Variants in STXBP5L observed in about 807,000 individuals in gnomAD.
The protein encoded by STXBP5L is syntaxin-binding protein 5-like.
STXBP5L carries 65 observed loss-of-function variants against 144.5 expected under a neutral mutation model. That is an observed-to-expected ratio of 0.45 (90% CI 0.37 to 0.55). STXBP5L has a LOEUF of 0.55. Among genes scored for constraint, STXBP5L ranks in the 20% least tolerant of loss-of-function variants. The probability of loss-of-function intolerance (pLI) is 0.00; values close to 1 mark genes in which losing one functional copy is unlikely to be tolerated. For synonymous variants in STXBP5L, 505 were observed against 469.6 expected (o/e 1.08, Z -0.97); for missense variants, 1,298 against 1,405.5 (o/e 0.92, Z 1.22).
At chr3:121,168,851 A>T (rs928283198) in intron 9 of STXBP5L, among the ~76,000 whole-genome samples, 1 of 152,140 alleles carries the variant, frequency 6.6e-6, no homozygotes, top group Admixed American at 6.5e-5. Context: ...CACCACAAAG[A>T]TACTCCTCGA....
intron 20 of STXBP5L, among the ~76,000 whole-genome samples, chr3:121,369,305 G>A (rs182069622): frequency 4.9e-4 from 74 of 150,330 alleles, no homozygotes; most frequent in African/African-American, 1.8e-3. Flanking sequence ...GAGTGTTCTG[G>A]TGCTTCCTAT....
intron 5 of STXBP5L, among the ~76,000 whole-genome samples, chr3:121,111,378 T>C (rs750912910): frequency 9.9e-5 from 15 of 152,244 alleles, no homozygotes; most frequent in Non-Finnish European, 2.2e-4. Flanking sequence ...TGAGTTTATC[T>C]AGCTTTGGTC....
At chr3:120,953,413 C>A (rs1384281684) in intron 2 of STXBP5L, among the ~76,000 whole-genome samples, 1 of 144,480 alleles carries the variant, frequency 6.9e-6, no homozygotes, top group Non-Finnish European at 1.5e-5. Flanking sequence ...ACTGCAGCTT[C>A]AACCTCCTGG....
Position 121,075,620 on chromosome 3 carries a change from G to A in STXBP5L, c.470+30085G>A, listed in dbSNP as rs532754705. Among the ~76,000 whole-genome samples, 127 of 152,320 alleles carry A rather than the reference G, an allele frequency of 8.3e-4. 2 individuals are homozygous for A. The South Asian group carries it at 0.023, about 28-fold the overall frequency. On this transcript the variant is annotated intron_variant, in intron 5 of 26. Transcript: ENST00000471454. The stretch of plus-strand genomic sequence containing the variant: ...ACCTGCAGCCTCTGTGTCAAATGGC[G>A]TGTAAAGCCAGTAAGACTTGCAGAG...
At chr3:121,225,899 G>T (rs1267470137) in intron 11 of STXBP5L, among the ~76,000 whole-genome samples, 1 of 152,186 alleles carries the variant, frequency 6.6e-6, no homozygotes, top group African/African-American at 2.4e-5. Flanking sequence ...TTCTCAGGTT[G>T]GTATAAATTT....
intron 5 of STXBP5L, among the ~76,000 whole-genome samples, chr3:121,051,882 G>T (rs1422689286): frequency 6.6e-6 from 1 of 151,962 alleles, no homozygotes; most frequent in South Asian, 2.1e-4. Context: ...TCAAATAGAT[G>T]CAATAAAAAA....
intron 18 of STXBP5L, among the ~76,000 whole-genome samples, chr3:121,273,128 T>C (rs1258350221): frequency 6.6e-6 from 1 of 152,254 alleles, no homozygotes; most frequent in African/African-American, 2.4e-5. Flanking sequence ...TATGATTTCA[T>C]GTTACTAATT....
At chr3:121,408,094 G>T (rs1292704445) in intron 23 of STXBP5L, among the ~76,000 whole-genome samples, 1 of 151,914 alleles carries the variant, frequency 6.6e-6, no homozygotes, top group Non-Finnish European at 1.5e-5. Flanking sequence ...CATTTTACAT[G>T]TGTTAATAAA....
chr3:121,279,797 T>C lies in STXBP5L; in HGVS notation c.1959-8T>C. 1.2e-6 allele frequency: 2 copies of C among 1,610,504 alleles called. No homozygotes were observed. Among genetic ancestry groups the C allele is most frequent in the Non-Finnish European group, 1.7e-6 (2 of 1,178,114 alleles). ...ATACATTCTAGTTGTATTTTTTTTC[T>C]CTCTTAGAGTTGCATTTGGGAACTG... On this transcript the variant is annotated splice_polypyrimidine_tract_variant and splice_region_variant and intron_variant, in intron 18 of 26. Coordinates refer to ENST00000471454, the MANE Select transcript of STXBP5L (RefSeq NM_001308330.2).
intron 2 of STXBP5L, among the ~76,000 whole-genome samples, chr3:120,952,245 C>G (rs1711303389): frequency 1.3e-5 from 2 of 151,958 alleles, no homozygotes; most frequent in African/African-American, 2.4e-5. Flanking sequence ...GGGATTTTGA[C>G]AGAGATTGCA....
intron 5 of STXBP5L, among the ~76,000 whole-genome samples, chr3:121,054,989 T>G (rs1948346479): frequency 6.6e-6 from 1 of 152,228 alleles, no homozygotes; most frequent in African/African-American, 2.4e-5. Context: ...GAAGAATTGA[T>G]TAGTGGTGAT....
intron 4 of STXBP5L, among the ~76,000 whole-genome samples, chr3:121,044,022 G>A (rs1429713845): frequency 1.3e-5 from 2 of 152,008 alleles, no homozygotes; most frequent in Non-Finnish European, 2.9e-5. Context: ...TTGTTTATAG[G>A]AAGCATAAGT....
intron 9 of STXBP5L, among the ~76,000 whole-genome samples, chr3:121,199,242 A>C (rs1214312281): frequency 6.6e-6 from 1 of 152,132 alleles, no homozygotes; most frequent in Non-Finnish European, 1.5e-5. Flanking sequence ...TCTTTGTAGC[A>C]ATTATGAATA....
At chr3:121,066,130 A>G (rs542765366) in intron 5 of STXBP5L, among the ~76,000 whole-genome samples, 13 of 152,312 alleles carry the variant, frequency 8.5e-5, no homozygotes, top group Admixed American at 7.2e-4. Context: ...CTCAAGGGCA[A>G]GAATACTATG....
intron 22 of STXBP5L, among the ~76,000 whole-genome samples, chr3:121,383,647 A>C (rs1234848647): frequency 2.0e-5 from 3 of 152,146 alleles, no homozygotes; most frequent in Non-Finnish European, 4.4e-5. Flanking sequence ...AAGAAAGTCT[A>C]CTTGGGAGCC....
chr3:121,047,535 C>G (rs1380993262), intron 5 of STXBP5L, among the ~76,000 whole-genome samples: 1 of 152,092 alleles, frequency 6.6e-6, no homozygotes, highest in Non-Finnish European at 1.5e-5. Context: ...TCCGGGTACT[C>G]CTGTGTTGGG....
At chr3:121,095,273 C>G (rs1012971031) in intron 5 of STXBP5L, among the ~76,000 whole-genome samples, 3 of 152,104 alleles carry the variant, frequency 2.0e-5, no homozygotes, top group Admixed American at 6.6e-5. Context: ...CTTGGAGTTG[C>G]TCTTCTCGAG....
At chr3:120,999,637 TG>T (rs1294773810) in intron 3 of STXBP5L, among the ~76,000 whole-genome samples, 1 of 152,150 alleles carries the variant, frequency 6.6e-6, no homozygotes, top group African/African-American at 2.4e-5. Flanking sequence ...GGTTTTTTTT[TG>T]TGGACTTTAT....
rs572323181 is a variant in STXBP5L, at chr3:121,368,087, C to CT, written c.2177-10621dup. ...TCTCTGCCCCTTTCTGTCTCTCTTC[C>CT]TTTTTTTTCTGAAATTTCCACAATA... On this transcript the variant is annotated intron_variant, in intron 20 of 26. Transcript: ENST00000471454. Among the ~76,000 whole-genome samples the CT allele has an allele frequency of 1.3e-4, 19 of 151,614 alleles. No homozygotes were observed. In the South Asian group the frequency reaches 4.0e-3, roughly 32 times the overall value.
Sources: allele counts gnomAD v4.1 joint callset (sites outside exome capture counted in the v4.1 genomes callset), GRCh38; gene constraint gnomAD v4.1.1; transcripts MANE v1.5; gene names NCBI Gene and HGNC (gene_info 2026-07-23, HGNC 2026-07-21).